Variants in FBXO24 observed in about 807,000 individuals in gnomAD.
FBXO24 encodes F-box protein 24.
In FBXO24, 30 loss-of-function variants were observed where a neutral mutation model predicts 63.5. The ratio of observed to expected loss-of-function variants is 0.47; its 90% confidence interval spans 0.35 to 0.64. The LOEUF is 0.64. FBXO24 is among the 30% of genes least tolerant of loss of function. The pLI, the probability that FBXO24 is intolerant of heterozygous loss-of-function variation, is 0.00. For missense variants in FBXO24, 624 were observed against 763.4 expected (o/e 0.82, Z 2.15); for synonymous variants, 300 against 305.0 (o/e 0.98, Z 0.17).
At chr7:100,593,797 C>CAA (rs900435798) in intron 5 of FBXO24, among the ~76,000 whole-genome samples, 51 of 56,498 alleles carry the variant, frequency 9.0e-4, no homozygotes, top group Middle Eastern at 0.011. Context: ...ACTCCATCTC[C>CAA]AAAAAAAAAA....
chr7:100,600,696 G>T lies in FBXO24; in HGVS notation c.1540G>T (p.Gly514Trp). 2.5e-6 allele frequency: 4 copies of T among 1,614,180 alleles called. No homozygotes were observed. The highest frequency in any genetic ancestry group is 3.4e-6 in the Non-Finnish European group (4 of 1,180,004). Residue 514 changes from glycine (G) to tryptophan (W), a missense_variant, in exon 10 of 10, where the codon GGG (glycine) becomes TGG (tryptophan). Coordinates refer to ENST00000241071, the MANE Select transcript of FBXO24 (RefSeq NM_033506.3). The surrounding 1 kb of genome is among the most constrained non-coding windows in gnomAD (Gnocchi z 6.3). Reference sequence around the variant, plus strand: ...GGCCAGAGCACCCCAGGACCCCGGGGGGATGGCCCAGGCCTGCGAGGAGTA... The same window carrying T: ...GGCCAGAGCACCCCAGGACCCCGGGTGGATGGCCCAGGCCTGCGAGGAGTA... ...LGARAPQDPG[G>W]MAQACEEYLS...
At position 100,600,793 on chromosome 7, in the gene FBXO24, T is replaced by C; in HGVS notation, c.1637T>C (p.Met546Thr). 6.2e-7 allele frequency: 1 copy of C among 1,614,080 alleles called. No homozygotes were observed. The highest frequency in any genetic ancestry group is 8.5e-7 in the Non-Finnish European group (1 of 1,179,946). Reference sequence around the variant, plus strand: ...AAGATGAAGGAGATCGTAGGGTGGATGCCCCTGATGGCCGCACAGAAGGAC... The same window carrying C: ...AAGATGAAGGAGATCGTAGGGTGGACGCCCCTGATGGCCGCACAGAAGGAC... ...TEKMKEIVGW[M>T]PLMAAQKDFF... The change falls in exon 10 of 10, where the codon ATG (methionine) becomes ACG (threonine). Residue 546 changes from methionine (M) to threonine (T), a missense_variant. Met to Thr is a moderately conservative substitution (Grantham distance 81). Around this residue, in one of 3 missense-constraint regions of FBXO24, gnomAD observed 216 missense variants for 245.2 expected, o/e 0.88. Transcript: ENST00000241071. The surrounding 1 kb of genome is among the most constrained non-coding windows in gnomAD (Gnocchi z 6.3).
At chr7:100,599,567 CAAAA>C (rs559340460) in intron 8 of FBXO24, 2 of 104,114 alleles carry the variant, frequency 1.9e-5, no homozygotes, top group African/African-American at 3.8e-5. Flanking sequence ...CTGTCTCAAA[CAAAA>C]AAAAAAAAAA....
Position 100,594,963 on chromosome 7 carries a change from C to T in FBXO24, c.953-139C>T. 1 of 1,229,330 alleles carries T rather than the reference C, an allele frequency of 8.1e-7. No individual in the cohort carries two copies. Among genetic ancestry groups the T allele is most frequent in the Non-Finnish European group, 1.1e-6 (1 of 883,974 alleles). 76.2% of individuals were successfully genotyped at this position (1,229,330 alleles called of 1,614,324 possible). On this transcript the variant is annotated intron_variant, in intron 6 of 9. Transcript: ENST00000241071. The surrounding 1 kb of genome is among the most constrained non-coding windows in gnomAD (Gnocchi z 4.2). Reference sequence around the variant, plus strand: ...GACTCGGTCTCAAAAGATGTGTTTTCAGTTCCCAGGCATCATAGTTGATGC... The same window carrying T: ...GACTCGGTCTCAAAAGATGTGTTTTTAGTTCCCAGGCATCATAGTTGATGC...
In FBXO24 at chr7:100,586,642, T is replaced by C. The variant is rs148663467; in HGVS notation, c.17T>C (p.Val6Ala). 2 of 1,614,140 alleles carry C rather than the reference T, an allele frequency of 1.2e-6. No individual in the cohort carries two copies. Among genetic ancestry groups the C allele is most frequent in the Non-Finnish European group, 1.7e-6 (2 of 1,179,982 alleles). The stretch of plus-strand genomic sequence containing the variant: ...ACCAATAGCATGGGCGAGAAGGCGG[T>C]CCCTTTGCTAAGGAGGAGGCGGGTG... The part of the protein sequence containing the change: MGEKA[V>A]PLLRRRRVKR... The change falls in exon 1 of 10, where the codon GTC (valine) becomes GCC (alanine). Residue 6 changes from valine to alanine, a missense_variant. This residue lies in a region of FBXO24 where 391 missense variants were observed against 469.1 expected (regional missense o/e 0.83). Transcript: ENST00000241071.
intron 1 of FBXO24, among the ~76,000 whole-genome samples, chr7:100,587,942 C>T (rs113734124): frequency 0.078 from 11,852 of 151,658 alleles, 569 homozygotes; most frequent in Non-Finnish European, 0.11. Flanking sequence ...CGCTCTGTTG[C>T]CCAGGCTGGA....
At chr7:100,586,756 G>A in intron 1 of FBXO24, 92 bp downstream of exon 1, 2 of 1,429,892 alleles carry the variant, frequency 1.4e-6, no homozygotes, top group Non-Finnish European at 9.9e-7. Context: ...GCGAGTGCGA[G>A]CTGGACGTGT....
At chr7:100,588,210 G>A (rs1407784405) in intron 1 of FBXO24, among the ~76,000 whole-genome samples, 1 of 152,134 alleles carries the variant, frequency 6.6e-6, no homozygotes, top group African/African-American at 2.4e-5. Context: ...ACAACCTCTC[G>A]TTTGCCTCCT....
In FBXO24 at chr7:100,595,022, T is replaced by C. The variant is rs1802235439; in HGVS notation, c.953-80T>C. 3 of 1,580,254 alleles carry C rather than the reference T, an allele frequency of 1.9e-6. No homozygotes were observed. The Middle Eastern group carries it at 5.5e-4, about 289-fold the overall frequency. ...TGGGTATGAGACTCCTTGGATCTTG[T>C]AGCTTTCATCCCAGGTGGGGCCTTA... On this transcript the variant is annotated intron_variant, in intron 6 of 9. Transcript: ENST00000241071.
intron 8 of FBXO24, among the ~76,000 whole-genome samples, chr7:100,596,146 G>A (rs1288230250): frequency 6.6e-6 from 1 of 152,182 alleles, no homozygotes; most frequent in Non-Finnish European, 1.5e-5. Flanking sequence ...GGCTGTGGTG[G>A]CACATGCCTG....
At chr7:100,597,851 G>A (rs1463865979) in intron 8 of FBXO24, among the ~76,000 whole-genome samples, 4 of 150,972 alleles carry the variant, frequency 2.6e-5, no homozygotes, top group South Asian at 2.1e-4. Context: ...ACAGGAATGC[G>A]CCACTACGCC....
chr7:100,597,234 C>T (rs1802354957), intron 8 of FBXO24, among the ~76,000 whole-genome samples: 1 of 151,990 alleles, frequency 6.6e-6, no homozygotes, highest in Admixed American at 6.6e-5. Flanking sequence ...GTCCCAGAAG[C>T]CACATGAGAA....
At position 100,601,066 on chromosome 7, in the gene FBXO24, C is replaced by T; in HGVS notation, c.*167C>T. 2.3e-6 allele frequency: 2 copies of T among 865,974 alleles called. No individual in the cohort carries two copies. Among genetic ancestry groups the T allele is most frequent in the Non-Finnish European group, 3.4e-6 (2 of 585,586 alleles). The allele number at this position is 865,974 out of a possible 1,614,324, so 53.6% of individuals were successfully genotyped here. Reference sequence around the variant, plus strand: ...GGGCTGCCCAGGAGGGGCCCCCAACCTGACTATCATGGACAAGAGATTTGA... The same window carrying T: ...GGGCTGCCCAGGAGGGGCCCCCAACTTGACTATCATGGACAAGAGATTTGA... On this transcript the variant is annotated 3_prime_UTR_variant, in exon 10 of 10. Coordinates refer to ENST00000241071, the MANE Select transcript of FBXO24 (RefSeq NM_033506.3).
intron 8 of FBXO24, among the ~76,000 whole-genome samples, chr7:100,598,472 T>G (rs1802415479): frequency 6.6e-6 from 1 of 152,052 alleles, no homozygotes; most frequent in Admixed American, 6.5e-5. Flanking sequence ...AGAGAGCATG[T>G]CAGTAATGTA....
intron 3 of FBXO24, among the ~76,000 whole-genome samples, chr7:100,591,349 G>A (rs984004406): frequency 6.6e-6 from 1 of 152,070 alleles, no homozygotes; most frequent in African/African-American, 2.4e-5. Flanking sequence ...TGAGGGGGGT[G>A]GATGCCGCAC....
chr7:100,598,775 G>A (rs944741309), intron 8 of FBXO24, among the ~76,000 whole-genome samples: 1 of 151,934 alleles, frequency 6.6e-6, no homozygotes, highest in Non-Finnish European at 1.5e-5. Context: ...CCAGGAGTTC[G>A]GGACCAGCCT....
chr7:100,600,081 C>T lies in FBXO24; in HGVS notation c.1257C>T (p.Ser419=). 1 of 1,610,998 alleles carries T rather than the reference C, an allele frequency of 6.2e-7. No homozygotes were observed. Among genetic ancestry groups the T allele is most frequent in the Non-Finnish European group, 8.5e-7 (1 of 1,179,398 alleles). ...PITLWCGLNH[S]LVLSQSSEFS... is the part of the protein sequence containing the mutation. ...CCCTGTGGTGCGGCCTCAACCACTCCCTGGTGCTGAGCCAGAGCTCAGAGT... is the reference window on the plus strand; with the variant it reads ...CCCTGTGGTGCGGCCTCAACCACTCTCTGGTGCTGAGCCAGAGCTCAGAGT... Residue 419 remains serine (S), a synonymous_variant, in exon 9 of 10, where the codon TCC becomes TCT. Coordinates refer to ENST00000241071, the MANE Select transcript of FBXO24 (RefSeq NM_033506.3). This position sits in a 1 kb window ranked among gnomAD's most constrained non-coding sequence, Gnocchi z 6.3.
Position 100,594,324 on chromosome 7 carries a change from G to A in FBXO24, c.794-59G>A. Reference sequence around the variant, plus strand: ...CCATATGGCCTAGGGAGTCTCTTGGGATGTTTATGTGGATATTGGAGAATC... The same window carrying A: ...CCATATGGCCTAGGGAGTCTCTTGGAATGTTTATGTGGATATTGGAGAATC... On this transcript the variant is annotated intron_variant, in intron 5 of 9. Transcript: ENST00000241071. This position sits in a 1 kb window ranked among gnomAD's most constrained non-coding sequence, Gnocchi z 4.2. The A allele has an allele frequency of 6.3e-7, 1 of 1,593,052 alleles. No homozygotes were observed. Among genetic ancestry groups the A allele is most frequent in the Non-Finnish European group, 8.6e-7 (1 of 1,168,338 alleles).
intron 8 of FBXO24, 47 bp from the exon 9 acceptor site, chr7:100,599,984 C>CA: frequency 6.6e-7 from 1 of 1,519,374 alleles, no homozygotes; most frequent in South Asian, 1.2e-5. Flanking sequence ...CCAGCCCCCC[C>CA]GTCCCTTGGT....
Sources: gnomAD v4.1 joint callset for allele counts (sites outside exome capture counted in the v4.1 genomes callset) on GRCh38, gnomAD v4.1.1 for gene constraint, gnomAD v4.1.1 regional missense constraint, Gnocchi (gnomAD v3.1) non-coding constraint, MANE v1.5 for transcripts, NCBI Gene and HGNC (gene_info 2026-07-23, HGNC 2026-07-21) for gene names.